ASIC2: variants seen among roughly 807,000 people sequenced by gnomAD.
ASIC2 encodes acid sensing ion channel subunit 2, also known as acid-sensing ion channel 2.
ASIC2 carries 25 observed loss-of-function variants against 57.3 expected under a neutral mutation model. That is an observed-to-expected ratio of 0.44 (90% confidence interval 0.32 to 0.61). The LOEUF (loss-of-function observed/expected upper bound fraction) is 0.61, where lower values mean the gene tolerates loss of function less well. ASIC2 is among the 20% of genes least tolerant of loss of function. The probability of loss-of-function intolerance (pLI) is 0.06; values close to 1 mark genes in which losing one functional copy is unlikely to be tolerated. For missense variants in ASIC2, 641 were observed against 738.1 expected (o/e 0.87, Z 1.52); for synonymous variants, 319 against 307.5 (o/e 1.04, Z -0.39).
At chr17:34,127,020 G>A (rs771549230) in intron 1 of ASIC2, among the ~76,000 whole-genome samples, 8 of 152,170 alleles carry the variant, frequency 5.3e-5, no homozygotes, top group Non-Finnish European at 7.3e-5. Context: ...AAGAAATTAA[G>A]GTGGGAGGGC....
chr17:34,103,189 A>G (rs1235948104), intron 1 of ASIC2, among the ~76,000 whole-genome samples: 3 of 152,200 alleles, frequency 2.0e-5, no homozygotes, highest in African/African-American at 7.2e-5. Flanking sequence ...TTAGTCACCC[A>G]GGTTGAAATG....
chr17:33,590,343 G>T (rs1009101722), intron 1 of ASIC2, among the ~76,000 whole-genome samples: 3 of 152,128 alleles, frequency 2.0e-5, no homozygotes, highest in Non-Finnish European at 2.9e-5. Context: ...TGTCATTGTT[G>T]TCCTCTTTGT....
At chr17:34,153,673 T>A (rs1904610860) in intron 1 of ASIC2, among the ~76,000 whole-genome samples, 1 of 152,220 alleles carries the variant, frequency 6.6e-6, no homozygotes, top group Admixed American at 6.5e-5. Context: ...AGATGCTTTT[T>A]CTGATACTCC....
intron 1 of ASIC2, among the ~76,000 whole-genome samples, chr17:33,714,839 G>C (rs1032065418): frequency 4.1e-5 from 6 of 145,482 alleles, no homozygotes; most frequent in Non-Finnish European, 9.0e-5. Context: ...TTTTGAGACA[G>C]GGTCTCACTC....
chr17:33,051,436 A>C (rs541073583), intron 3 of ASIC2, among the ~76,000 whole-genome samples: 1 of 152,176 alleles, frequency 6.6e-6, no homozygotes, highest in East Asian at 1.9e-4. Flanking sequence ...TGAATTGACT[A>C]TCACAATATT....
chr17:33,101,976 C>G (rs2092213760), intron 2 of ASIC2, among the ~76,000 whole-genome samples: 1 of 152,052 alleles, frequency 6.6e-6, no homozygotes, highest in Non-Finnish European at 1.5e-5. Context: ...CTCAGGACAG[C>G]CAGACAGACC....
At chr17:33,976,595 C>T (rs62057457) in intron 1 of ASIC2, 18,103 of 152,134 alleles carry the variant, frequency 0.12, 1,488 homozygotes, top group East Asian at 0.35. Flanking sequence ...TGAGCTCATC[C>T]AATCTGCAGC....
chr17:33,674,144 C>T (rs922607088), intron 1 of ASIC2, among the ~76,000 whole-genome samples: 6 of 152,124 alleles, frequency 3.9e-5, no homozygotes, highest in East Asian at 3.9e-4. Flanking sequence ...CCGCCCACCT[C>T]GGCCTCCCAA....
chr17:33,238,631 G>A (rs999509530), intron 1 of ASIC2, among the ~76,000 whole-genome samples: 1 of 152,146 alleles, frequency 6.6e-6, no homozygotes, highest in African/African-American at 2.4e-5. Flanking sequence ...AACACACCGG[G>A]CCCACTCCTG....
chr17:33,984,848 G>A (rs1330258838), intron 1 of ASIC2, among the ~76,000 whole-genome samples: 1 of 152,202 alleles, frequency 6.6e-6, no homozygotes, highest in East Asian at 1.9e-4. Context: ...CAAGAGTGGA[G>A]GAAACAGAAG....
chr17:33,484,345 T>C (rs1427614489), intron 1 of ASIC2, among the ~76,000 whole-genome samples: 1 of 152,188 alleles, frequency 6.6e-6, no homozygotes, highest in East Asian at 1.9e-4. Context: ...ATGCCCCCAT[T>C]TAAGACATTT....
chr17:33,893,231 A>G (rs768958586), intron 1 of ASIC2, among the ~76,000 whole-genome samples: 1 of 152,168 alleles, frequency 6.6e-6, no homozygotes, highest in Non-Finnish European at 1.5e-5. Context: ...TGTTTCCAGG[A>G]TTTAAATCCA....
intron 1 of ASIC2, among the ~76,000 whole-genome samples, chr17:34,110,990 G>A (rs748417311): frequency 9.2e-5 from 14 of 152,240 alleles, no homozygotes; most frequent in South Asian, 4.1e-4. Flanking sequence ...TTGGGAGGAC[G>A]AGGCTGGTGG....
At chr17:33,178,748 A>G (rs1286104643) in intron 1 of ASIC2, among the ~76,000 whole-genome samples, 2 of 152,332 alleles carry the variant, frequency 1.3e-5, no homozygotes, top group Middle Eastern at 3.4e-3. Flanking sequence ...TTTGAAGAGG[A>G]CAGCCCAACA....
chr17:34,038,880 T>C lies in ASIC2; in HGVS notation c.555+117098A>G, dbSNP rs1907991375. ...TTCCGTTGTCTTTCTATCTCTTCCC[T>C]CTGTGAATTTATCCTTTCCTGTTGC... On this transcript the variant is annotated intron_variant, in intron 1 of 9. Coordinates refer to the ASIC2 transcript ENST00000359872. 2.5e-6 allele frequency: 4 copies of C among 1,612,658 alleles called. No homozygotes were observed. The South Asian group carries it at 4.4e-5, about 18-fold the overall frequency.
chr17:33,585,912 C>T (rs957903045), intron 1 of ASIC2, among the ~76,000 whole-genome samples: 6 of 152,154 alleles, frequency 3.9e-5, no homozygotes, highest in East Asian at 3.9e-4. Flanking sequence ...TACAGTCTGA[C>T]GAGCCTCTCC....
chr17:34,052,742 A>T (rs907700545), intron 1 of ASIC2, among the ~76,000 whole-genome samples: 1 of 151,454 alleles, frequency 6.6e-6, no homozygotes, highest in Non-Finnish European at 1.5e-5. Flanking sequence ...TTAGTCTCCC[A>T]AGTAGCTGGG....
chr17:34,047,381 C>T (rs768727080), intron 1 of ASIC2, among the ~76,000 whole-genome samples: 1 of 151,946 alleles, frequency 6.6e-6, no homozygotes, highest in Non-Finnish European at 1.5e-5. Context: ...CACAATGTCC[C>T]AAAACCCCCT....
intron 1 of ASIC2, chr17:33,291,112 T>G (rs1905416432): frequency 2.2e-6 from 1 of 449,294 alleles, no homozygotes; most frequent in Non-Finnish European, 3.7e-6. Flanking sequence ...CTGACTAATA[T>G]TCACAGACGG....
Sources: gnomAD v4.1 joint callset for allele counts (sites outside exome capture counted in the v4.1 genomes callset) on GRCh38, gnomAD v4.1.1 for gene constraint, MANE v1.5 for transcripts, NCBI Gene and HGNC (gene_info 2026-07-23, HGNC 2026-07-21) for gene names.